Variants in EPDR1 observed in about 807,000 individuals in gnomAD.
EPDR1 encodes the protein mammalian ependymin-related protein 1.
In EPDR1, 27 loss-of-function variants were observed where a neutral mutation model predicts 23.7. The observed-to-expected ratio is 1.14, with a 90% confidence interval of 0.84 to 1.57. EPDR1 has a LOEUF of 1.57. Among genes scored for constraint, EPDR1 ranks in the 40% most tolerant of loss-of-function variants. The pLI is 0.00. For missense variants in EPDR1, 349 were observed against 290.4 expected, an observed-to-expected ratio of 1.20 and a Z score of -1.47; for synonymous variants, 137 against 118.2, an observed-to-expected ratio of 1.16 and a Z score of -1.03.
rs1350043908 is a variant in EPDR1, at chr7:37,927,404, CCCTTCTCAG to C, written c.269+6199_269+6207del. ...TTTTTTTCCTTTCATTTTTGCTACT[CCCTTCTCAG>C]CCAGTGAGAAAACTGGCTTACTATT... On this transcript the variant is annotated intron_variant, in intron 1 of 2. Coordinates refer to ENST00000199448, the MANE Select transcript of EPDR1 (RefSeq NM_017549.5). 8.5e-5 allele frequency among the ~76,000 whole-genome samples: 13 copies of C among 152,136 alleles called. 1 individual carries two copies. The highest frequency in any genetic ancestry group is 5.8e-4 in the East Asian group (3 of 5,166).
intron 1 of EPDR1, among the ~76,000 whole-genome samples, chr7:37,947,019 G>C (rs1786290061): frequency 6.6e-6 from 1 of 152,070 alleles, no homozygotes. Flanking sequence ...ATTTAGTGTA[G>C]CCTAAGTGTA....
intron 1 of EPDR1, among the ~76,000 whole-genome samples, chr7:37,943,597 A>G (rs1394322689): frequency 6.6e-6 from 1 of 152,246 alleles, no homozygotes; most frequent in Non-Finnish European, 1.5e-5. Context: ...GGATTTTGAA[A>G]ACAAATTATA....
At chr7:37,937,880 T>A (rs1786086449) in intron 1 of EPDR1, among the ~76,000 whole-genome samples, 1 of 151,664 alleles carries the variant, frequency 6.6e-6, no homozygotes, top group Admixed American at 6.6e-5. Context: ...TAAATGATAA[T>A]AACAGTCATT....
chr7:37,938,086 G>T (rs1786094908), intron 1 of EPDR1, among the ~76,000 whole-genome samples: 1 of 146,518 alleles, frequency 6.8e-6, no homozygotes, highest in Non-Finnish European at 1.5e-5. Context: ...TGCTTCCCGG[G>T]TTCATGCCAT....
chr7:37,945,316 T>A (rs1786251881), intron 1 of EPDR1, among the ~76,000 whole-genome samples: 1 of 151,808 alleles, frequency 6.6e-6, no homozygotes. Flanking sequence ...AATGCACACT[T>A]ATATTTCTTT....
chr7:37,921,837 C>CT (rs1369612309), intron 1 of EPDR1, among the ~76,000 whole-genome samples: 4 of 152,088 alleles, frequency 2.6e-5, no homozygotes, highest in African/African-American at 9.7e-5. Flanking sequence ...TTATCTGAAT[C>CT]TTTTTTTAAC....
chr7:37,946,160 CTT>C (rs1397780356), intron 1 of EPDR1, among the ~76,000 whole-genome samples: 1 of 152,116 alleles, frequency 6.6e-6, no homozygotes, highest in African/African-American at 2.4e-5. Flanking sequence ...GATTCCACGT[CTT>C]TGCTATTGTG....
chr7:37,940,540 C>G (rs915970819), intron 1 of EPDR1, among the ~76,000 whole-genome samples: 4 of 152,020 alleles, frequency 2.6e-5, no homozygotes, highest in African/African-American at 9.7e-5. Context: ...TACTGACTCT[C>G]GATACTAGGG....
chr7:37,925,188 A>G (rs1311311036), intron 1 of EPDR1, among the ~76,000 whole-genome samples: 1 of 152,252 alleles, frequency 6.6e-6, no homozygotes, highest in Admixed American at 6.5e-5. Context: ...AATCAAGAAG[A>G]TGATTTTCAT....
intron 1 of EPDR1, among the ~76,000 whole-genome samples, chr7:37,931,225 A>C (rs1433863242): frequency 1.3e-5 from 2 of 152,216 alleles, no homozygotes; most frequent in Non-Finnish European, 2.9e-5. Context: ...CTCAAAGAGA[A>C]GTCTGAGGCC....
intron 1 of EPDR1, among the ~76,000 whole-genome samples, chr7:37,929,957 G>C (rs1048182618): frequency 1.1e-4 from 17 of 152,164 alleles, no homozygotes; most frequent in African/African-American, 4.1e-4. Flanking sequence ...GTGCCTTTTT[G>C]AGTCGGGAGG....
At chr7:37,923,489 C>A (rs952332409) in intron 1 of EPDR1, among the ~76,000 whole-genome samples, 1 of 152,122 alleles carries the variant, frequency 6.6e-6, no homozygotes, top group Non-Finnish European at 1.5e-5. Flanking sequence ...CAGGGCTTGA[C>A]TTTGTGCACT....
chr7:37,950,138 G>GA, intron 2 of EPDR1, 62 bp from the exon 3 acceptor site: 1 of 1,286,916 alleles, frequency 7.8e-7, no homozygotes, highest in Non-Finnish European at 1.1e-6. Context: ...ACCACCATAA[G>GA]AAAAAATATG....
At chr7:37,921,393 G>T (rs1583659647) in intron 1 of EPDR1, 185 bp downstream of exon 1, 1 of 1,390,470 alleles carries the variant, frequency 7.2e-7, no homozygotes, top group East Asian at 3.0e-5. Flanking sequence ...GGGGCGCTGC[G>T]CCCACCGAGG....
intron 1 of EPDR1, among the ~76,000 whole-genome samples, chr7:37,925,030 A>T (rs916551668): frequency 6.6e-6 from 1 of 152,258 alleles, no homozygotes; most frequent in Non-Finnish European, 1.5e-5. Context: ...GATGGAAAAG[A>T]TTAAACAACT....
intron 1 of EPDR1, among the ~76,000 whole-genome samples, chr7:37,927,792 T>C (rs1055399782): frequency 6.6e-6 from 1 of 152,218 alleles, no homozygotes; most frequent in African/African-American, 2.4e-5. Flanking sequence ...AGAGCATGAC[T>C]TCTCCTTTGA....
At position 37,950,538 on chromosome 7, in the gene EPDR1, A is replaced by T; in HGVS notation, c.*142A>T. 1.2e-6 allele frequency: 1 copy of T among 833,792 alleles called. No homozygotes were observed. The highest frequency in any genetic ancestry group is 1.8e-6 in the Non-Finnish European group (1 of 551,504). The allele number at this position is 833,792 out of a possible 1,614,324, so 51.6% of individuals were successfully genotyped here. ...AGATGCACATTGATGTGGGGTTTTG[A>T]TGTGTCTGATTTTGACTACTCAAGC... On this transcript the variant is annotated 3_prime_UTR_variant, in exon 3 of 3. Transcript: ENST00000199448.
intron 1 of EPDR1, among the ~76,000 whole-genome samples, chr7:37,929,196 C>T (rs1264917948): frequency 6.6e-6 from 1 of 152,200 alleles, no homozygotes; most frequent in Admixed American, 6.5e-5. Flanking sequence ...CCCCTCACTG[C>T]TTTATATTAA....
intron 1 of EPDR1, among the ~76,000 whole-genome samples, chr7:37,946,623 A>T (rs1786282138): frequency 6.6e-6 from 1 of 152,224 alleles, no homozygotes; most frequent in Non-Finnish European, 1.5e-5. Flanking sequence ...TTCAGGAGGT[A>T]TCCAGAAGAA....
Sources: allele counts gnomAD v4.1 joint callset (sites outside exome capture counted in the v4.1 genomes callset), GRCh38; gene constraint gnomAD v4.1.1; transcripts MANE v1.5; gene names NCBI Gene and HGNC (gene_info 2026-07-23, HGNC 2026-07-21).